XPO6: variants seen among roughly 807,000 people sequenced by gnomAD.
XPO6 encodes exportin 6, also known as exportin-6.
In XPO6, 3 loss-of-function variants were observed where a neutral mutation model predicts 130.0. That is an observed-to-expected ratio of 0.02 (90% CI 0.01 to 0.06). The LOEUF (loss-of-function observed/expected upper bound fraction) is 0.06. XPO6 is among the 10% of genes least tolerant of loss of function. The pLI is 1.00. For missense variants in XPO6, 970 were observed against 1,393.0 expected (o/e 0.70, Z 4.83); for synonymous variants, 524 against 548.9 (o/e 0.95, Z 0.63).
intron 17 of XPO6, among the ~76,000 whole-genome samples, chr16:28,109,183 A>G (rs557868436): frequency 6.6e-6 from 1 of 150,784 alleles, no homozygotes; most frequent in Non-Finnish European, 1.5e-5. Context: ...TATTTAAAAA[A>G]AATACAAGTC....
In XPO6 at chr16:28,101,563, G is replaced by A. The variant is rs1371354187; in HGVS notation, c.3171C>T (p.Asp1057=). 2.5e-6 allele frequency: 4 copies of A among 1,614,258 alleles called. No homozygotes were observed. In the South Asian group the frequency reaches 4.4e-5, roughly 18 times the overall value. The change falls in exon 23 of 24, where the codon GAC becomes GAT. Residue 1057 remains aspartate, a synonymous_variant. Coordinates refer to ENST00000304658, the MANE Select transcript of XPO6 (RefSeq NM_015171.4). This position sits in a 1 kb window ranked among gnomAD's most constrained non-coding sequence, Gnocchi z 5.4. ...GGAAGGCGGCAAAGAAGCCATCAAA[G>A]TCGACTGAGGCCATGTTGTAGATGG... ...GIAIYNMASV[D]FDGFFAAFLP...
chr16:28,149,023 CAA>C (rs2043034885), intron 8 of XPO6, among the ~76,000 whole-genome samples: 1 of 126,690 alleles, frequency 7.9e-6, no homozygotes, highest in African/African-American at 3.1e-5. Context: ...GCGTGGGCGA[CAA>C]GAGTGAAACT....
chr16:28,149,058 T>TAAAAAAAAAAAAAAAAAAAAAAAA, intron 8 of XPO6, among the ~76,000 whole-genome samples: 1 of 107,122 alleles, frequency 9.3e-6, no homozygotes, highest in Non-Finnish European at 1.9e-5. Context: ...AAAAAGAAAA[T>TAAAAAAAAAAAAAAAAAAAAAAAA]AAAAAAAAAA....
chr16:28,102,971 T>G (rs1324209518), intron 21 of XPO6, among the ~76,000 whole-genome samples: 1 of 152,122 alleles, frequency 6.6e-6, no homozygotes, highest in Non-Finnish European at 1.5e-5. Context: ...GCAGCAGGGA[T>G]GAGATCTCCA....
At chr16:28,165,256 A>C (rs867848727) in intron 6 of XPO6, 2 of 152,190 alleles carry the variant, frequency 1.3e-5, no homozygotes, top group African/African-American at 2.4e-5. Flanking sequence ...ATTTAAACGA[A>C]AAAACAAACT....
chr16:28,173,705 G>C (rs1233202403), intron 4 of XPO6, among the ~76,000 whole-genome samples: 1 of 152,222 alleles, frequency 6.6e-6, no homozygotes, highest in African/African-American at 2.4e-5. Context: ...GCTACATGAG[G>C]TTAAAGGAGT....
At chr16:28,190,908 G>T (rs1256486705) in intron 1 of XPO6, among the ~76,000 whole-genome samples, 1 of 118,402 alleles carries the variant, frequency 8.4e-6, no homozygotes, top group Non-Finnish European at 1.9e-5. Context: ...TGCAAATAAC[G>T]TTAACAGGAC....
Position 28,115,234 on chromosome 16 carries a change from A to G in XPO6, c.2004+2084T>C, listed in dbSNP as rs188231584. 1.8e-3 allele frequency among the ~76,000 whole-genome samples: 280 copies of G among 152,352 alleles called. 2 individuals carry two copies. Among genetic ancestry groups the G allele is most frequent in the Non-Finnish European group, 1.9e-3 (132 of 68,032 alleles). On this transcript the variant is annotated intron_variant, in intron 15 of 23. Coordinates refer to ENST00000304658, the MANE Select transcript of XPO6 (RefSeq NM_015171.4). Reference sequence around the variant, plus strand: ...CAGAAGGTTTTCAGTTTATTTGCCCAGATCCACTGGAGGAACCACCATCTA... The same window carrying G: ...CAGAAGGTTTTCAGTTTATTTGCCCGGATCCACTGGAGGAACCACCATCTA...
chr16:28,129,695 C>T (rs1371698610), intron 12 of XPO6, among the ~76,000 whole-genome samples: 1 of 152,098 alleles, frequency 6.6e-6, no homozygotes, highest in Admixed American at 6.6e-5. Context: ...TCTGAGAGAA[C>T]AAATCATAAT....
chr16:28,101,463 C>T lies in XPO6; in HGVS notation c.3271G>A (p.Asp1091Asn). Residue 1091 changes from aspartate (D) to asparagine (N), a missense_variant, in exon 23 of 24, where the codon GAT becomes AAT. Physicochemically the swap from Asp to Asn is conservative, Grantham distance 23. Transcript: ENST00000304658. The surrounding 1 kb of genome is among the most constrained non-coding windows in gnomAD (Gnocchi z 5.4). ...CGGCCTCTTTCTCTCCTCACCCGATCCATCTTGAAATTCCGCCCCAGCACA... is the reference window on the plus strand; with the variant it reads ...CGGCCTCTTTCTCTCCTCACCCGATTCATCTTGAAATTCCGCCCCAGCACA... ...KSVLGRNFKMDRDLPSFTQNV... is the reference protein window; with the variant it reads ...KSVLGRNFKMNRDLPSFTQNV... 1 of 1,614,034 alleles carries T rather than the reference C, an allele frequency of 6.2e-7. No homozygotes were observed.
At chr16:28,166,196 G>T (rs1433312161) in intron 6 of XPO6, among the ~76,000 whole-genome samples, 1 of 152,020 alleles carries the variant, frequency 6.6e-6, no homozygotes, top group Non-Finnish European at 1.5e-5. Context: ...CCCACCTCCT[G>T]CCACCCCTAC....
chr16:28,204,922 C>T (rs763015399), intron 1 of XPO6, among the ~76,000 whole-genome samples: 3 of 152,112 alleles, frequency 2.0e-5, no homozygotes, highest in Non-Finnish European at 4.4e-5. Context: ...TAATGCCAGG[C>T]GTGGGGACTC....
At chr16:28,193,832 C>T (rs1401159517) in intron 1 of XPO6, among the ~76,000 whole-genome samples, 4 of 152,136 alleles carry the variant, frequency 2.6e-5, no homozygotes, top group African/African-American at 4.8e-5. Flanking sequence ...TGACTCAGTC[C>T]GTCTCTCAGC....
At chr16:28,117,799 G>A (rs1394776927) in intron 14 of XPO6, among the ~76,000 whole-genome samples, 2 of 152,184 alleles carry the variant, frequency 1.3e-5, no homozygotes, top group Non-Finnish European at 2.9e-5. Context: ...TTCAGAACTA[G>A]TACAAATTTA....
chr16:28,177,904 G>C (rs953239827), intron 2 of XPO6, among the ~76,000 whole-genome samples: 3 of 152,206 alleles, frequency 2.0e-5, no homozygotes, highest in Admixed American at 6.5e-5. Flanking sequence ...CCAAAAAAGT[G>C]AATCGACCGG....
intron 3 of XPO6, among the ~76,000 whole-genome samples, chr16:28,176,905 T>C (rs1403936141): frequency 1.3e-5 from 2 of 152,150 alleles, no homozygotes; most frequent in African/African-American, 4.8e-5. Context: ...GTATTATGGT[T>C]ATTATTTCTC....
At chr16:28,151,372 T>C (rs2043085864) in intron 8 of XPO6, among the ~76,000 whole-genome samples, 1 of 152,062 alleles carries the variant, frequency 6.6e-6, no homozygotes, top group African/African-American at 2.4e-5. Flanking sequence ...AAACAATGAC[T>C]TAACAACAGC....
rs894661475 is a variant in XPO6 at position 28,101,104 on chromosome 16, C to A, written c.3276+354G>T. ...ATCTCAGCCTGAATGCAAGCCTGGGCACACTCCAATGCTGGCCCCACCGGG... is the reference window on the plus strand; with the variant it reads ...ATCTCAGCCTGAATGCAAGCCTGGGAACACTCCAATGCTGGCCCCACCGGG... On this transcript the variant is annotated intron_variant, in intron 23 of 23. Coordinates refer to ENST00000304658, the MANE Select transcript of XPO6 (RefSeq NM_015171.4). The surrounding 1 kb of genome is among the most constrained non-coding windows in gnomAD (Gnocchi z 5.4). The A allele has an allele frequency of 2.7e-6, 1 of 372,348 alleles. No individual in the cohort carries two copies. The highest frequency in any genetic ancestry group is 5.2e-6 in the Non-Finnish European group (1 of 193,180). 23.1% of individuals were successfully genotyped at this position (372,348 alleles called of 1,614,324 possible).
At chr16:28,199,172 C>G (rs2043914715) in intron 1 of XPO6, among the ~76,000 whole-genome samples, 1 of 152,154 alleles carries the variant, frequency 6.6e-6, no homozygotes, top group South Asian at 2.1e-4. Context: ...ATAAACAAAC[C>G]CTTTTTATAA....
Sources: gnomAD v4.1 joint callset for allele counts (sites outside exome capture counted in the v4.1 genomes callset) on GRCh38, gnomAD v4.1.1 for gene constraint, Gnocchi (gnomAD v3.1) non-coding constraint, MANE v1.5 for transcripts, NCBI Gene and HGNC (gene_info 2026-07-23, HGNC 2026-07-21) for gene names.